The following GJC1 variants were observed in gnomAD, a reference collection of about 807,000 sequenced individuals.
The protein encoded by GJC1 is gap junction gamma-1 protein.
GJC1 carries 5 observed loss-of-function variants against 29.3 expected under a neutral mutation model. The observed-to-expected ratio is 0.17, with a 90% CI of 0.09 to 0.36. The LOEUF (loss-of-function observed/expected upper bound fraction) is 0.36. GJC1 is among the 10% of genes least tolerant of loss of function. The pLI is 1.00. For missense variants in GJC1, 310 were observed against 496.2 expected (o/e 0.62, Z 3.56); for synonymous variants, 177 against 183.3 (o/e 0.97, Z 0.28).
At chr17:44,810,487 G>C (rs2145318977) in intron 1 of GJC1, among the ~76,000 whole-genome samples, 1 of 152,250 alleles carries the variant, frequency 6.6e-6, no homozygotes. Flanking sequence ...GGAAAATGCT[G>C]AACCCTTACA....
chr17:44,806,682 C>A (rs1375536324), intron 2 of GJC1, among the ~76,000 whole-genome samples: 1 of 151,978 alleles, frequency 6.6e-6, no homozygotes, highest in Admixed American at 6.6e-5. Context: ...AACCACCATG[C>A]CTGGCCAGAC....
chr17:44,827,803 C>T (rs1235019833), intron 1 of GJC1, among the ~76,000 whole-genome samples: 1 of 151,716 alleles, frequency 6.6e-6, no homozygotes. Context: ...GGCGTGGTGG[C>T]GGGTACCTGT....
At chr17:44,795,873 C>T (rs150521489), downstream of GJC1, among the ~76,000 whole-genome samples, 368 of 152,334 alleles carry the variant, frequency 2.4e-3, 4 homozygotes, top group African/African-American at 8.1e-3. Context: ...CCTTAATGTA[C>T]TGGAAGAATC....
chr17:44,810,663 CTGCAGACG>C (rs2049968987), intron 1 of GJC1, among the ~76,000 whole-genome samples: 1 of 152,174 alleles, frequency 6.6e-6, no homozygotes, highest in Non-Finnish European at 1.5e-5. Context: ...CGCTGGAGAT[CTGCAGACG>C]GACTCCCCTC....
chr17:44,811,622 A>T (rs557459825), intron 1 of GJC1, among the ~76,000 whole-genome samples: 24 of 152,122 alleles, frequency 1.6e-4, no homozygotes, highest in African/African-American at 5.1e-4. Context: ...CCTGGGCTCA[A>T]GTGATCTGCC....
chr17:44,828,593 A>T (rs931470704), intron 1 of GJC1, among the ~76,000 whole-genome samples: 1 of 152,180 alleles, frequency 6.6e-6, no homozygotes, highest in African/African-American at 2.4e-5. Context: ...TGTTTATTGG[A>T]GCTTTTTACC....
intron 1 of GJC1, among the ~76,000 whole-genome samples, chr17:44,810,772 A>T (rs2049970438): frequency 6.6e-6 from 1 of 151,960 alleles, no homozygotes; most frequent in Admixed American, 6.6e-5. Flanking sequence ...ATGGACATCA[A>T]TTAATTCATT....
At chr17:44,794,712 T>A (rs1211668471), downstream of GJC1, 2 of 152,252 alleles carry the variant, frequency 1.3e-5, no homozygotes, top group African/African-American at 4.8e-5. Flanking sequence ...GGACATGCAC[T>A]GAAATCGCTT....
In GJC1 at chr17:44,804,895, T is replaced by C; in HGVS notation, c.923A>G (p.Lys308Arg). Reference sequence around the variant, plus strand: ...GGCCTTGTTTTGCTTGTAGGCGATCTTAGCATTGGACAGTTCGGTGTACTG... The same window carrying C: ...GGCCTTGTTTTGCTTGTAGGCGATCCTAGCATTGGACAGTTCGGTGTACTG... ...QIQYTELSNA[K>R]IAYKQNKANT... The change falls in exon 3 of 3, where the codon AAG becomes AGG. Residue 308 changes from lysine (K) to arginine (R), a missense_variant. Lys to Arg is a conservative substitution (Grantham distance 26). Transcript: ENST00000592524. 6.2e-7 allele frequency: 1 copy of C among 1,614,212 alleles called. No homozygotes were observed.
chr17:44,809,735 T>A lies in GJC1; in HGVS notation c.-96-2266A>T, dbSNP rs1331474694. ...ACAGGTATGCACCACCACGCCTGGGTAATTTTGTATTTTTAGTAGAGACGG... is the reference window on the plus strand; with the variant it reads ...ACAGGTATGCACCACCACGCCTGGGAAATTTTGTATTTTTAGTAGAGACGG... On this transcript the variant is annotated intron_variant, in intron 1 of 2. Transcript: ENST00000592524. Among the ~76,000 whole-genome samples, 3 of 151,122 alleles carry A rather than the reference T, an allele frequency of 2.0e-5. No individual in the cohort carries two copies. In the East Asian group the frequency reaches 5.9e-4, roughly 29 times the overall value.
chr17:44,806,172 C>T (rs1180582934), intron 2 of GJC1, among the ~76,000 whole-genome samples: 1 of 152,008 alleles, frequency 6.6e-6, no homozygotes, highest in Admixed American at 6.6e-5. Context: ...GCTCAGGAGG[C>T]TGAGACAGGA....
intron 1 of GJC1, among the ~76,000 whole-genome samples, chr17:44,823,345 G>A (rs1264157864): frequency 4.0e-5 from 6 of 148,244 alleles, no homozygotes; most frequent in East Asian, 4.0e-4. Context: ...TCCGCCTCCC[G>A]GGTTCAAGTG....
At chr17:44,827,210 T>TGA (rs953042483) in intron 1 of GJC1, among the ~76,000 whole-genome samples, 5 of 152,082 alleles carry the variant, frequency 3.3e-5, no homozygotes, top group South Asian at 2.1e-4. Context: ...CTTGGGAGGC[T>TGA]GAGGCATGAG....
chr17:44,815,879 C>T (rs1386374396), intron 1 of GJC1, among the ~76,000 whole-genome samples: 1 of 151,688 alleles, frequency 6.6e-6, no homozygotes, highest in Non-Finnish European at 1.5e-5. Context: ...TTTGGGAGGC[C>T]GAGGTGGGCG....
intron 1 of GJC1, among the ~76,000 whole-genome samples, chr17:44,811,170 C>A (rs1370715668): frequency 1.3e-5 from 2 of 152,220 alleles, no homozygotes; most frequent in African/African-American, 4.8e-5. Flanking sequence ...CAACCTCCGC[C>A]TCCTGGGTTC....
chr17:44,806,372 A>C (rs1328794867), intron 2 of GJC1, among the ~76,000 whole-genome samples: 1 of 148,578 alleles, frequency 6.7e-6, no homozygotes, highest in Non-Finnish European at 1.5e-5. Flanking sequence ...ATTTACTGAG[A>C]TATTTCTCAG....
downstream of GJC1, among the ~76,000 whole-genome samples, chr17:44,798,212 G>A (rs1450916992): frequency 6.6e-6 from 1 of 152,104 alleles, no homozygotes; most frequent in Non-Finnish European, 1.5e-5. Context: ...TATGAAAAAA[G>A]GCATCTTTTA....
At chr17:44,796,057 C>A (rs2049781759), downstream of GJC1, among the ~76,000 whole-genome samples, 1 of 152,208 alleles carries the variant, frequency 6.6e-6, no homozygotes, top group Non-Finnish European at 1.5e-5. Flanking sequence ...TTCTGCAGGT[C>A]GGTGGCCTGC....
chr17:44,812,887 T>C (rs2050000065), intron 1 of GJC1, among the ~76,000 whole-genome samples: 1 of 152,120 alleles, frequency 6.6e-6, no homozygotes. Context: ...GACCTCATGT[T>C]CTGCCCACCT....
Sources: allele counts gnomAD v4.1 joint callset (sites outside exome capture counted in the v4.1 genomes callset), GRCh38; gene constraint gnomAD v4.1.1; transcripts MANE v1.5; gene names NCBI Gene and HGNC (gene_info 2026-07-23, HGNC 2026-07-21).